LRP2: variants seen among roughly 807,000 people sequenced by gnomAD.
LRP2 encodes the protein LDL receptor related protein 2.
LRP2 carries 172 observed loss-of-function variants against 531.0 expected under a neutral mutation model. The observed-to-expected ratio is 0.32, with a 90% CI of 0.29 to 0.37. LRP2 has a LOEUF of 0.37. LRP2 is among the 10% of genes least tolerant of loss of function. The probability of loss-of-function intolerance (pLI) is 1.00; values close to 1 mark genes in which losing one functional copy is unlikely to be tolerated. For missense variants in LRP2, 5,167 were observed against 5,868.3 expected, an observed-to-expected ratio of 0.88 and a Z score of 3.90; for synonymous variants, 1,992 against 2,027.6, an observed-to-expected ratio of 0.98 and a Z score of 0.47.
Position 169,210,098 on chromosome 2 carries a change from C to T in LRP2, c.6281-457G>A, listed in dbSNP as rs147096625. Among the ~76,000 whole-genome samples, 357 of 152,096 alleles carry T rather than the reference C, an allele frequency of 2.3e-3. 1 individual carries two copies. The highest frequency in any genetic ancestry group is 6.5e-3 in the African/African-American group (269 of 41,464). On this transcript the variant is annotated intron_variant, in intron 37 of 78. Transcript: ENST00000649046. ...ATTTAAAAAGTAAACCGGGGAGACA[C>T]GAAGAGCTTTCCTTTATAGAAGAAT...
Position 169,213,856 on chromosome 2 carries a change from G to T in LRP2, c.5841C>A (p.Asn1947Lys). ...GGATCATTCGATCTGTTCCATCCAC[G>T]TTTCCTCTTTCAATCTAAAGGATTG... Reference protein sequence around the residue: ...VTGRGVIERGNVDGTDRMILV... With the variant: ...VTGRGVIERGKVDGTDRMILV... The change falls in exon 36 of 79, where the codon AAC (asparagine) becomes AAA (lysine). Residue 1947 changes from asparagine to lysine, a missense_variant. Asn to Lys is a moderately conservative substitution (Grantham distance 94). This residue lies in a region of LRP2 where 2,811 missense variants were observed against 3,058.0 expected (regional missense o/e 0.92). Transcript: ENST00000649046. The T allele has an allele frequency of 6.2e-7, 1 of 1,612,824 alleles. No homozygotes were observed. The highest frequency in any genetic ancestry group is 8.5e-7 in the Non-Finnish European group (1 of 1,179,050).
At chr2:169,286,424 C>T (rs1030775529) in intron 9 of LRP2, among the ~76,000 whole-genome samples, 1 of 152,236 alleles carries the variant, frequency 6.6e-6, no homozygotes, top group African/African-American at 2.4e-5. Flanking sequence ...ATTGTGGTAT[C>T]TTCTCTGATC....
intron 27 of LRP2, among the ~76,000 whole-genome samples, 194 bp from the exon 28 acceptor site, chr2:169,237,481 T>C (rs576776148): frequency 2.0e-5 from 3 of 152,300 alleles, no homozygotes; most frequent in African/African-American, 7.2e-5. Context: ...TACAAGATTT[T>C]GTCACACTGA....
intron 16 of LRP2, among the ~76,000 whole-genome samples, chr2:169,268,926 T>C (rs1683315574): frequency 6.6e-6 from 1 of 152,136 alleles, no homozygotes; most frequent in African/African-American, 2.4e-5. Flanking sequence ...AAAATCAATG[T>C]GCAAAAATCA....
At chr2:169,175,161 C>A (rs752063920) in intron 55 of LRP2, 32 bp downstream of exon 55, 2 of 1,603,186 alleles carry the variant, frequency 1.2e-6, no homozygotes, top group South Asian at 2.2e-5. Flanking sequence ...ACATAGAAGT[C>A]GGAAAAAGAG....
chr2:169,319,570 C>A (rs866063075), intron 2 of LRP2, among the ~76,000 whole-genome samples: 103 of 152,160 alleles, frequency 6.8e-4, no homozygotes, highest in African/African-American at 2.3e-3. Context: ...TTCACTTATT[C>A]CTTTACCCCA....
chr2:169,293,456 A>G (rs913681090), intron 6 of LRP2, among the ~76,000 whole-genome samples: 1 of 152,164 alleles, frequency 6.6e-6, no homozygotes, highest in Admixed American at 6.5e-5. Flanking sequence ...CGGGCGGATC[A>G]CTTGAGATCA....
chr2:169,294,523 G>C (rs1684085167), intron 5 of LRP2, 77 bp downstream of exon 5: 2 of 1,033,848 alleles, frequency 1.9e-6, no homozygotes, highest in Admixed American at 3.5e-5. Context: ...CTTGGGAAGA[G>C]ATGTACATAT....
intron 1 of LRP2, among the ~76,000 whole-genome samples, chr2:169,357,915 A>G (rs939194405): frequency 6.6e-6 from 1 of 152,172 alleles, no homozygotes; most frequent in Admixed American, 6.5e-5. Flanking sequence ...TACAAAACCC[A>G]AAGATCTTCA....
At chr2:169,359,264 A>G (rs1686080514) in intron 1 of LRP2, among the ~76,000 whole-genome samples, 2 of 152,212 alleles carry the variant, frequency 1.3e-5, no homozygotes, top group African/African-American at 4.8e-5. Context: ...GACTTTCCCA[A>G]GGTCACACAG....
At chr2:169,325,429 T>C (rs984561522) in intron 1 of LRP2, among the ~76,000 whole-genome samples, 1 of 152,232 alleles carries the variant, frequency 6.6e-6, no homozygotes, top group African/African-American at 2.4e-5. Context: ...AATTTTTGCT[T>C]CACTTTTTCT....
In LRP2 at chr2:169,128,612, A is replaced by T. The variant is rs1296822015; in HGVS notation, c.*51T>A. 6.4e-6 allele frequency: 10 copies of T among 1,560,246 alleles called. No individual in the cohort carries two copies. The highest frequency in any genetic ancestry group is 8.8e-6 in the Non-Finnish European group (10 of 1,131,808). Reference sequence around the variant, plus strand: ...TAACTTTTTTCATCTGTTTGTAAAAAATATATGTGCAAAAGTGTGTTTCTA... The same window carrying T: ...TAACTTTTTTCATCTGTTTGTAAAATATATATGTGCAAAAGTGTGTTTCTA... On this transcript the variant is annotated 3_prime_UTR_variant, in exon 79 of 79. Transcript: ENST00000649046.
At chr2:169,303,869 C>G (rs960289339) in intron 4 of LRP2, among the ~76,000 whole-genome samples, 8 of 152,056 alleles carry the variant, frequency 5.3e-5, no homozygotes, top group African/African-American at 1.9e-4. Context: ...GGTTTTCTTT[C>G]CTTAGTGAAT....
At chr2:169,236,522 G>A (rs996393716) in intron 28 of LRP2, among the ~76,000 whole-genome samples, 4 of 151,658 alleles carry the variant, frequency 2.6e-5, no homozygotes, top group South Asian at 2.1e-4. Flanking sequence ...ACATCACATT[G>A]AACATAACTT....
Position 169,206,111 on chromosome 2 carries a change from T to C in LRP2, c.7468A>G (p.Ile2490Val). The change falls in exon 40 of 79, where the codon ATT becomes GTT. Residue 2490 changes from isoleucine (I) to valine (V), a missense_variant. Transcript: ENST00000649046. ...GACCCATCTTCAGCCATGGAATTAA[T>C]CATCTGGTTGAGGTAGTCACTGTAA... ...IYYSDYLNQMINSMAEDGSNR... is the reference protein window; with the variant it reads ...IYYSDYLNQMVNSMAEDGSNR... 6.2e-7 allele frequency: 1 copy of C among 1,614,218 alleles called. No individual in the cohort carries two copies. The highest frequency in any genetic ancestry group is 8.5e-7 in the Non-Finnish European group (1 of 1,180,042).
intron 1 of LRP2, among the ~76,000 whole-genome samples, chr2:169,327,803 G>A (rs1685136615): frequency 9.1e-6 from 1 of 110,286 alleles, no homozygotes; most frequent in Non-Finnish European, 1.9e-5. Flanking sequence ...TGGGAGGTGA[G>A]GGGCGCCTCT....
intron 52 of LRP2, among the ~76,000 whole-genome samples, chr2:169,180,107 T>C (rs1247311735): frequency 2.6e-5 from 4 of 152,226 alleles, no homozygotes; most frequent in Non-Finnish European, 5.9e-5. Context: ...TCTAAATGTA[T>C]GCTGAGTGAC....
At chr2:169,195,634 A>G (rs1687979651) in intron 46 of LRP2, among the ~76,000 whole-genome samples, 1 of 152,204 alleles carries the variant, frequency 6.6e-6, no homozygotes, top group Non-Finnish European at 1.5e-5. Context: ...AGAGAAGTTT[A>G]AAAACTCATA....
At chr2:169,290,330 G>C (rs1683968631) in intron 8 of LRP2, among the ~76,000 whole-genome samples, 1 of 119,500 alleles carries the variant, frequency 8.4e-6, no homozygotes, top group African/African-American at 3.2e-5. Context: ...ATAAGTATAA[G>C]CCAGGTAATA....
Sources: gnomAD v4.1 joint callset for allele counts (sites outside exome capture counted in the v4.1 genomes callset) on GRCh38, gnomAD v4.1.1 for gene constraint, gnomAD v4.1.1 regional missense constraint, MANE v1.5 for transcripts, NCBI Gene and HGNC (gene_info 2026-07-23, HGNC 2026-07-21) for gene names.